TTC12: variants seen among roughly 807,000 people sequenced by gnomAD.
TTC12 encodes the protein tetratricopeptide repeat protein 12.
In TTC12, 70 loss-of-function variants were observed where a neutral mutation model predicts 90.1. The ratio of observed to expected loss-of-function variants is 0.78; its 90% confidence interval spans 0.64 to 0.95. The LOEUF is 0.95. Among genes scored for constraint, TTC12 ranks in the 40% least tolerant of loss-of-function variants. The pLI is 0.00. For missense variants in TTC12, 819 were observed against 846.1 expected (o/e 0.97, Z 0.40); for synonymous variants, 296 against 311.5 (o/e 0.95, Z 0.53).
rs182519368 is a variant in TTC12, at chr11:113,358,578, T to A, written c.1447-785T>A. ...AAGACCACCCTGCAGAGTTCAGGTC[T>A]GATGATTCCCCGAGGGCTAAAGTCT... On this transcript the variant is annotated intron_variant, in intron 16 of 21. Coordinates refer to ENST00000529221, the MANE Select transcript of TTC12 (RefSeq NM_017868.4). Among the ~76,000 whole-genome samples the A allele has an allele frequency of 2.3e-4, 35 of 152,266 alleles. No homozygotes were observed. In the East Asian group the frequency reaches 6.8e-3, roughly 29 times the overall value.
chr11:113,324,340 C>T, intron 4 of TTC12: 1 of 540,282 alleles, frequency 1.9e-6, no homozygotes, highest in South Asian at 2.7e-5. Context: ...AATCTCTCTT[C>T]AAAGAAAAAC....
chr11:113,359,767 G>A (rs193209664), intron 17 of TTC12, among the ~76,000 whole-genome samples, 173 bp from the exon 18 acceptor site: 14 of 152,354 alleles, frequency 9.2e-5, no homozygotes, highest in Non-Finnish European at 1.6e-4. Flanking sequence ...ATGCCCTGGA[G>A]TTAGGGGAGA....
At chr11:113,339,845 T>TGTCA (rs1489274792) in intron 10 of TTC12, among the ~76,000 whole-genome samples, 2 of 152,010 alleles carry the variant, frequency 1.3e-5, no homozygotes, top group African/African-American at 4.8e-5. Flanking sequence ...TAAGTACTCA[T>TGTCA]GTCAGTCCAC....
intron 11 of TTC12, among the ~76,000 whole-genome samples, chr11:113,341,229 CAAAAA>C (rs1243226875): frequency 6.6e-6 from 1 of 152,120 alleles, no homozygotes; most frequent in East Asian, 1.9e-4. Flanking sequence ...GATTCAGTCT[CAAAAA>C]AAGGAAACAA....
At chr11:113,347,893 G>A (rs1006009883) in intron 13 of TTC12, among the ~76,000 whole-genome samples, 22 of 152,066 alleles carry the variant, frequency 1.4e-4, no homozygotes, top group African/African-American at 5.3e-4. Context: ...TGTGGCATTT[G>A]GTCCTATTGA....
intron 2 of TTC12, among the ~76,000 whole-genome samples, chr11:113,321,722 CA>C (rs1555138579): frequency 1.3e-5 from 2 of 152,164 alleles, no homozygotes; most frequent in East Asian, 3.9e-4. Context: ...GCAAACATGA[CA>C]CAAGCAGAGG....
chr11:113,356,864 T>A (rs544869522), intron 16 of TTC12, among the ~76,000 whole-genome samples: 1 of 152,284 alleles, frequency 6.6e-6, no homozygotes, highest in East Asian at 1.9e-4. Context: ...TAATATTTTT[T>A]CTTTCATTTT....
intron 12 of TTC12, among the ~76,000 whole-genome samples, chr11:113,343,149 T>C (rs1948771056): frequency 6.6e-6 from 1 of 152,158 alleles, no homozygotes; most frequent in Non-Finnish European, 1.5e-5. Flanking sequence ...ATGTCAGTCA[T>C]CTATTGTGGA....
At chr11:113,367,634 A>G (rs1403506891), downstream of TTC12, among the ~76,000 whole-genome samples, 1 of 152,260 alleles carries the variant, frequency 6.6e-6, no homozygotes, top group East Asian at 1.9e-4. Flanking sequence ...ACACCCAAAG[A>G]AAGTGTTCTT....
chr11:113,322,451 A>G (rs1555138937), intron 2 of TTC12, among the ~76,000 whole-genome samples: 2 of 152,202 alleles, frequency 1.3e-5, no homozygotes, highest in African/African-American at 4.8e-5. Context: ...GGATGTAGGT[A>G]TAGGCAGTTT....
intron 17 of TTC12, 106 bp from the exon 18 acceptor site, chr11:113,359,834 T>C (rs1949818987): frequency 3.8e-6 from 3 of 797,304 alleles, no homozygotes; most frequent in Admixed American, 5.0e-5. Flanking sequence ...AACCTGGGCA[T>C]AGTGTGGTGG....
chr11:113,348,180 C>T lies in TTC12; in HGVS notation c.1155-1893C>T, dbSNP rs112497337. On this transcript the variant is annotated intron_variant, in intron 13 of 21. Coordinates refer to ENST00000529221, the MANE Select transcript of TTC12 (RefSeq NM_017868.4). ...CTATCACAACATCCACAAGTATCAT[C>T]GACTTAATAAATCAAAATTGGGTCT... Among the ~76,000 whole-genome samples, 365 of 152,296 alleles carry T rather than the reference C, an allele frequency of 2.4e-3. 1 individual carries two copies. The highest frequency in any genetic ancestry group is 7.8e-3 in the African/African-American group (323 of 41,568).
intron 2 of TTC12, among the ~76,000 whole-genome samples, chr11:113,316,949 C>T (rs139271745): frequency 6.6e-6 from 1 of 152,186 alleles, no homozygotes; most frequent in Non-Finnish European, 1.5e-5. Flanking sequence ...AGCAAACAGA[C>T]CTTACATAGT....
At chr11:113,370,572 G>A (rs2440389), downstream of TTC12, among the ~76,000 whole-genome samples, 8,068 of 152,346 alleles carry the variant, frequency 0.053, 232 homozygotes, top group Non-Finnish European at 0.062. Context: ...TGATGAAGGA[G>A]TTCTCCCTGG....
At chr11:113,373,282 C>T (rs1950431539) in exon 22 of TTC12, 1 of 930,562 alleles carries the variant, frequency 1.1e-6, no homozygotes, top group Non-Finnish European at 1.3e-6. Flanking sequence ...AACATAATGA[C>T]TTCATTGTTA....
At chr11:113,319,020 C>T (rs1359668377) in intron 2 of TTC12, among the ~76,000 whole-genome samples, 1 of 152,114 alleles carries the variant, frequency 6.6e-6, no homozygotes, top group Non-Finnish European at 1.5e-5. Context: ...TAGTGACTTG[C>T]TTCCAAAGAG....
chr11:113,339,731 C>T (rs1336221273), intron 10 of TTC12, among the ~76,000 whole-genome samples: 1 of 152,208 alleles, frequency 6.6e-6, no homozygotes, highest in Admixed American at 6.5e-5. Context: ...GGCACACACT[C>T]GATATATACT....
chr11:113,331,853 G>A (rs1948086649), intron 7 of TTC12, among the ~76,000 whole-genome samples: 2 of 152,186 alleles, frequency 1.3e-5, no homozygotes, highest in South Asian at 4.1e-4. Context: ...CCCAGTTGAA[G>A]AGATTGGGTA....
intron 7 of TTC12, among the ~76,000 whole-genome samples, chr11:113,333,997 G>C (rs1419554916): frequency 6.6e-6 from 1 of 152,178 alleles, no homozygotes; most frequent in Non-Finnish European, 1.5e-5. Flanking sequence ...AACAACCTGA[G>C]AGAGATACTA....
Sources: allele counts gnomAD v4.1 joint callset (sites outside exome capture counted in the v4.1 genomes callset), GRCh38; gene constraint gnomAD v4.1.1; transcripts MANE v1.5; gene names NCBI Gene and HGNC (gene_info 2026-07-23, HGNC 2026-07-21).